CALN1: variants seen among roughly 807,000 people sequenced by gnomAD.
The protein encoded by CALN1 is calneuron 1.
In CALN1, 17 loss-of-function variants were observed where a neutral mutation model predicts 30.6. The observed-to-expected ratio is 0.56, with a 90% CI of 0.38 to 0.83. The LOEUF (loss-of-function observed/expected upper bound fraction) is 0.83. Among genes scored for constraint, CALN1 ranks in the 40% least tolerant of loss-of-function variants. The pLI is 0.00. For missense variants in CALN1, 291 were observed against 354.9 expected, an observed-to-expected ratio of 0.82 and a Z score of 1.45; for synonymous variants, 156 against 131.4, an observed-to-expected ratio of 1.19 and a Z score of -1.28.
At chr7:72,483,232 TTTTG>T in the CALN1 span, among the ~76,000 whole-genome samples, 5 of 150,694 alleles carry the variant, frequency 3.3e-5, no homozygotes, top group South Asian at 1.0e-3. Context: ...TTTTGTGGGG[TTTTG>T]TTTGTTTGTT....
At chr7:72,220,982 A>G (rs1051909715) in intron 3 of CALN1, among the ~76,000 whole-genome samples, 2 of 144,770 alleles carry the variant, frequency 1.4e-5, no homozygotes, top group Non-Finnish European at 3.2e-5. Context: ...ATTTTCTCCC[A>G]TTTTGTAGGT....
At chr7:72,354,273 A>C (rs1277113534) in intron 2 of CALN1, among the ~76,000 whole-genome samples, 2 of 152,208 alleles carry the variant, frequency 1.3e-5, no homozygotes, top group Non-Finnish European at 2.9e-5. Context: ...TGTATACTAA[A>C]AACCTCAAAA....
chr7:72,341,543 A>G (rs1266996292), intron 2 of CALN1, among the ~76,000 whole-genome samples: 2 of 127,198 alleles, frequency 1.6e-5, no homozygotes, highest in African/African-American at 2.6e-5. Flanking sequence ...AAAACAGACA[A>G]ACAAACAAAT....
At chr7:72,448,296 G>A (rs902354483), upstream of CALN1, among the ~76,000 whole-genome samples, 1 of 152,174 alleles carries the variant, frequency 6.6e-6, no homozygotes, top group African/African-American at 2.4e-5. Context: ...ACAGAGAAAC[G>A]TAGCCACAGG....
chr7:72,029,588 C>T (rs113136599), intron 4 of CALN1, among the ~76,000 whole-genome samples: 1,594 of 152,282 alleles, frequency 0.01, 12 homozygotes, highest in Non-Finnish European at 0.018. Context: ...AGTGCCATCT[C>T]CCCAACCTCC....
chr7:71,976,883 C>A (rs567944940), intron 5 of CALN1, among the ~76,000 whole-genome samples: 1 of 152,168 alleles, frequency 6.6e-6, no homozygotes, highest in Non-Finnish European at 1.5e-5. Context: ...ACTCCCCCTG[C>A]AATTTGCACG....
At chr7:72,418,211 T>C (rs760094188) in intron 1 of CALN1, among the ~76,000 whole-genome samples, 1 of 151,708 alleles carries the variant, frequency 6.6e-6, no homozygotes, top group Admixed American at 6.6e-5. Flanking sequence ...AGTGAGAACA[T>C]GCAGTATTTG....
At chr7:72,235,330 A>G (rs1207171359) in intron 3 of CALN1, among the ~76,000 whole-genome samples, 1 of 152,126 alleles carries the variant, frequency 6.6e-6, no homozygotes, top group African/African-American at 2.4e-5. Context: ...CAAAAAGTTC[A>G]AGCAGATCAA....
intron 3 of CALN1, among the ~76,000 whole-genome samples, chr7:72,267,537 G>A (rs896286729): frequency 1.3e-5 from 2 of 152,218 alleles, no homozygotes; most frequent in Admixed American, 6.5e-5. Flanking sequence ...ACGGGTACAA[G>A]GGAAGCACAC....
In CALN1 at chr7:71,784,654, C is replaced by T; in HGVS notation, c.*3121G>A. On this transcript the variant is annotated 3_prime_UTR_variant, in exon 7 of 7. Coordinates refer to ENST00000395275, the MANE Select transcript of CALN1 (RefSeq NM_031468.4). Reference sequence around the variant, plus strand: ...CTTTCCAGGGGGGCGGCGGGGGGTACCTGCTCTTGCAGCAAGAATGAGCCA... The same window carrying T: ...CTTTCCAGGGGGGCGGCGGGGGGTATCTGCTCTTGCAGCAAGAATGAGCCA... The T allele has an allele frequency of 2.5e-6, 1 of 396,178 alleles. No homozygotes were observed. Among genetic ancestry groups the T allele is most frequent in the Admixed American group, 4.4e-5 (1 of 22,662 alleles). 24.5% of individuals were successfully genotyped at this position (396,178 alleles called of 1,614,324 possible).
chr7:71,798,891 TG>T (rs1403327527), intron 6 of CALN1, among the ~76,000 whole-genome samples: 2 of 152,082 alleles, frequency 1.3e-5, no homozygotes, highest in African/African-American at 4.8e-5. Flanking sequence ...CCCAAAGTGT[TG>T]GGATTACAGG....
intron 3 of CALN1, among the ~76,000 whole-genome samples, chr7:72,276,466 C>G (rs935023485): frequency 6.6e-6 from 1 of 152,180 alleles, no homozygotes; most frequent in African/African-American, 2.4e-5. Flanking sequence ...TAGGAGGGAG[C>G]AGCCCTCATG....
the CALN1 span, among the ~76,000 whole-genome samples, chr7:72,493,899 A>C: frequency 6.6e-6 from 1 of 152,212 alleles, no homozygotes; most frequent in Non-Finnish European, 1.5e-5. Flanking sequence ...ATCATGTATA[A>C]GTCTAGGGCT....
chr7:71,982,946 G>A (rs1197190755), intron 5 of CALN1, among the ~76,000 whole-genome samples: 1 of 152,146 alleles, frequency 6.6e-6, no homozygotes, highest in African/African-American at 2.4e-5. Flanking sequence ...CCAACCACGT[G>A]TGCAGTAAGG....
At chr7:72,454,835 CTTT>C in the CALN1 span, among the ~76,000 whole-genome samples, 3 of 143,822 alleles carry the variant, frequency 2.1e-5, no homozygotes, top group Non-Finnish European at 1.5e-5. Context: ...TCTCTGGTCT[CTTT>C]TTTTTTTTTT....
chr7:71,919,279 A>G (rs765023269), intron 5 of CALN1, among the ~76,000 whole-genome samples: 6 of 152,186 alleles, frequency 3.9e-5, no homozygotes, highest in Admixed American at 6.5e-5. Context: ...TGCCTACATG[A>G]TAAGGTACAA....
chr7:72,224,696 G>A lies in CALN1; in HGVS notation c.244+53990C>T, dbSNP rs567970916. ...CTCGGGAGGCTGAGACACGAGAATC[G>A]CTTGAACCCCGGAGGCAGAGGTTGC... On this transcript the variant is annotated intron_variant, in intron 3 of 6. Coordinates refer to ENST00000395275, the MANE Select transcript of CALN1 (RefSeq NM_031468.4). Among the ~76,000 whole-genome samples the A allele has an allele frequency of 1.6e-4, 24 of 151,948 alleles. No homozygotes were observed. In the South Asian group the frequency reaches 2.1e-3, roughly 13 times the overall value.
chr7:72,424,186 T>G (rs1807722886), intron 1 of CALN1, among the ~76,000 whole-genome samples: 1 of 152,050 alleles, frequency 6.6e-6, no homozygotes, highest in African/African-American at 2.4e-5. Context: ...AACCCTGCCC[T>G]CAGTCTCAGG....
intron 4 of CALN1, among the ~76,000 whole-genome samples, chr7:72,052,584 G>A (rs1408492544): frequency 1.3e-5 from 2 of 152,154 alleles, no homozygotes; most frequent in Non-Finnish European, 2.9e-5. Flanking sequence ...ACCTCAGGAA[G>A]GAGGCACACT....
Sources: allele counts gnomAD v4.1 joint callset (sites outside exome capture counted in the v4.1 genomes callset), GRCh38; gene constraint gnomAD v4.1.1; transcripts MANE v1.5; gene names NCBI Gene and HGNC (gene_info 2026-07-23, HGNC 2026-07-21).